The following APOLD1 variants were observed in gnomAD, a reference collection of about 807,000 sequenced individuals.
The protein encoded by APOLD1 is apolipoprotein L domain-containing protein 1.
Under a neutral mutation model 15.3 loss-of-function variants are expected in APOLD1, and 22 were observed. The ratio of observed to expected loss-of-function variants is 1.44; its 90% CI spans 1.03 to 2.05. The LOEUF (loss-of-function observed/expected upper bound fraction) is 2.05, where lower values mean the gene tolerates loss of function less well. Among genes scored for constraint, APOLD1 ranks in the 30% most tolerant of loss-of-function variants. The probability of loss-of-function intolerance (pLI) is 0.00; values close to 1 mark genes in which losing one functional copy is unlikely to be tolerated. For synonymous variants in APOLD1, 190 were observed against 167.4 expected, an observed-to-expected ratio of 1.13 and a Z score of -1.04; for missense variants, 394 against 353.5, an observed-to-expected ratio of 1.11 and a Z score of -0.92.
At chr12:12,771,680 C>A in intron 1 of APOLD1, 1 of 461,224 alleles carries the variant, frequency 2.2e-6, no homozygotes, top group South Asian at 1.6e-5. Flanking sequence ...TCCTCTGGCT[C>A]CTCAAAGAGC....
chr12:12,735,711 C>T (rs1417606567), intron 1 of APOLD1, among the ~76,000 whole-genome samples: 2 of 151,892 alleles, frequency 1.3e-5, no homozygotes, highest in African/African-American at 2.4e-5. Flanking sequence ...CTTGGGAGGC[C>T]GAAGAGGATC....
At chr12:12,730,237 C>T (rs1426642507) in intron 1 of APOLD1, among the ~76,000 whole-genome samples, 3 of 152,000 alleles carry the variant, frequency 2.0e-5, no homozygotes, top group East Asian at 3.9e-4. Context: ...TAAAGTTCAT[C>T]CATGGTATGT....
chr12:12,761,121 T>G (rs569807756), intron 1 of APOLD1, among the ~76,000 whole-genome samples: 2 of 152,216 alleles, frequency 1.3e-5, no homozygotes, highest in Non-Finnish European at 2.9e-5. Context: ...ATCAGAGTGT[T>G]CTTTGAATTG....
intron 1 of APOLD1, among the ~76,000 whole-genome samples, chr12:12,738,397 G>A (rs867142457): frequency 1.6e-4 from 24 of 151,724 alleles, no homozygotes; most frequent in African/African-American, 5.1e-4. Context: ...TTAGAGATGG[G>A]GTCTCACTAT....
In APOLD1 at chr12:12,789,120, T is replaced by A. The variant is rs560558975; in HGVS notation, c.*1468T>A. On this transcript the variant is annotated 3_prime_UTR_variant, in exon 2 of 2. Transcript: ENST00000356591. Reference sequence around the variant, plus strand: ...TTTATTTTAAGTTTGTAATTTAATTTTTAATTATTGTTTAGTGTTTGCATT... The same window carrying A: ...TTTATTTTAAGTTTGTAATTTAATTATTAATTATTGTTTAGTGTTTGCATT... The A allele has an allele frequency of 8.5e-5, 13 of 152,374 alleles. No homozygotes were observed. The South Asian group carries it at 2.5e-3, about 29-fold the overall frequency. The allele number at this position is 152,374 out of a possible 1,614,324, so 9.4% of individuals were successfully genotyped here.
intron 1 of APOLD1, among the ~76,000 whole-genome samples, chr12:12,763,727 TG>T (rs936929537): frequency 3.9e-5 from 6 of 152,302 alleles, no homozygotes; most frequent in African/African-American, 1.4e-4. Context: ...CAGGGGGTCC[TG>T]GAACCAATCC....
intron 1 of APOLD1, among the ~76,000 whole-genome samples, chr12:12,766,959 C>T (rs1029330432): frequency 6.6e-6 from 1 of 152,130 alleles, no homozygotes; most frequent in Non-Finnish European, 1.5e-5. Context: ...AGAGTTGGCC[C>T]CCTGGGCTGG....
Position 12,745,028 on chromosome 12 carries a change from C to T in APOLD1, c.96+18932C>T, listed in dbSNP as rs183393675. On this transcript the variant is annotated intron_variant, in intron 1 of 1. Transcript: ENST00000326765. ...CCTGCTTTGAATTTATTGTTTTATG[C>T]CTGTGTGTTAGAGGGAAAAATGTAT... Among the ~76,000 whole-genome samples the T allele has an allele frequency of 4.9e-4, 74 of 152,224 alleles. No individual in the cohort carries two copies. In the East Asian group the frequency reaches 0.011, roughly 23 times the overall value.
intron 1 of APOLD1, among the ~76,000 whole-genome samples, chr12:12,739,402 T>C (rs961958676): frequency 6.6e-6 from 1 of 152,178 alleles, no homozygotes. Flanking sequence ...TGAAGTGAAG[T>C]TACTATGTTT....
Position 12,786,976 on chromosome 12 carries a change from T to TGCTGGACCGCC in APOLD1, c.73_83dup (p.Gly29TrpfsTer30). ...GCGCTGCGGCGCTTCCAGGGACTGC[T>TGCTGGACCGCC]GCTGGACCGCCGAGGCCGGCTGCAC... On this transcript the variant is annotated frameshift_variant, in exon 2 of 2. Transcript: ENST00000356591. LOFTEE classifies it high-confidence loss of function. 1 of 1,438,516 alleles carries TGCTGGACCGCC rather than the reference T, an allele frequency of 7.0e-7. No individual in the cohort carries two copies. The highest frequency in any genetic ancestry group is 1.4e-5 in the South Asian group (1 of 71,024). The allele number at this position is 1,438,516 out of a possible 1,614,324, so 89.1% of individuals were successfully genotyped here.
chr12:12,782,183 T>C (rs1328141416), upstream of APOLD1, among the ~76,000 whole-genome samples: 2 of 151,946 alleles, frequency 1.3e-5, no homozygotes, highest in East Asian at 1.9e-4. Flanking sequence ...CGTTTGAACC[T>C]GGAAGGCGGA....
At chr12:12,727,238 AG>A (rs35934238) in intron 1 of APOLD1, among the ~76,000 whole-genome samples, 8,158 of 152,320 alleles carry the variant, frequency 0.054, 245 homozygotes, top group African/African-American at 0.077. Flanking sequence ...CACGTTTCCA[AG>A]AATTAGTATG....
intron 1 of APOLD1, among the ~76,000 whole-genome samples, chr12:12,737,603 C>G (rs540439339): frequency 6.6e-6 from 1 of 152,266 alleles, no homozygotes; most frequent in African/African-American, 2.4e-5. Context: ...GCCTCCACCT[C>G]TCCTCCTCCC....
intron 1 of APOLD1, among the ~76,000 whole-genome samples, chr12:12,738,571 C>T (rs1363005422): frequency 6.6e-6 from 1 of 152,078 alleles, no homozygotes; most frequent in East Asian, 1.9e-4. Flanking sequence ...TCAAATGATG[C>T]TTTATAGTTT....
At chr12:12,773,750 G>A (rs1344368301) in intron 1 of APOLD1, among the ~76,000 whole-genome samples, 4 of 152,136 alleles carry the variant, frequency 2.6e-5, no homozygotes, top group Non-Finnish European at 5.9e-5. Context: ...TAGAAAAACA[G>A]ACCGATAGAA....
chr12:12,745,982 G>C (rs1224614159), intron 1 of APOLD1, among the ~76,000 whole-genome samples: 1 of 152,092 alleles, frequency 6.6e-6, no homozygotes, highest in Non-Finnish European at 1.5e-5. Flanking sequence ...TTTTGTGGCT[G>C]AGGTTCACAC....
chr12:12,779,700 T>C (rs1454775320), intron 1 of APOLD1, among the ~76,000 whole-genome samples: 1 of 152,094 alleles, frequency 6.6e-6, no homozygotes, highest in Non-Finnish European at 1.5e-5. Context: ...AACAGGGAAA[T>C]GACTAAGCAA....
chr12:12,752,756 C>A (rs562612117), intron 1 of APOLD1, among the ~76,000 whole-genome samples: 1 of 152,146 alleles, frequency 6.6e-6, no homozygotes, highest in Admixed American at 6.5e-5. Flanking sequence ...CAAAATATAG[C>A]GGACACTAAG....
intron 1 of APOLD1, among the ~76,000 whole-genome samples, chr12:12,759,071 C>G (rs1440525025): frequency 6.6e-6 from 1 of 152,144 alleles, no homozygotes; most frequent in African/African-American, 2.4e-5. Flanking sequence ...GGAGGACTCA[C>G]ATCCTGTGCG....
Sources: allele counts gnomAD v4.1 joint callset (sites outside exome capture counted in the v4.1 genomes callset), GRCh38; gene constraint gnomAD v4.1.1; transcripts MANE v1.5; gene names NCBI Gene and HGNC (gene_info 2026-07-23, HGNC 2026-07-21).